Variants in GPATCH2 observed in about 807,000 individuals in gnomAD.
GPATCH2 encodes the protein G patch domain-containing protein 2.
In GPATCH2, 51 loss-of-function variants were observed where a neutral mutation model predicts 58.0. The ratio of observed to expected loss-of-function variants is 0.88; its 90% confidence interval spans 0.70 to 1.11. The LOEUF (loss-of-function observed/expected upper bound fraction) is 1.11, where lower values mean the gene tolerates loss of function less well. GPATCH2 is among the 50% of genes most tolerant of loss of function. The pLI, the probability that GPATCH2 is intolerant of heterozygous loss-of-function variation, is 0.00. For missense variants in GPATCH2, 625 were observed against 652.2 expected, an observed-to-expected ratio of 0.96 and a Z score of 0.45; for synonymous variants, 222 against 218.5, an observed-to-expected ratio of 1.02 and a Z score of -0.14.
intron 6 of GPATCH2, among the ~76,000 whole-genome samples, chr1:217,505,058 A>G (rs770688489): frequency 6.6e-6 from 1 of 152,182 alleles, no homozygotes; most frequent in Non-Finnish European, 1.5e-5. Flanking sequence ...TGGTAGAAAA[A>G]TCTGGGAGTA....
intron 5 of GPATCH2, among the ~76,000 whole-genome samples, chr1:217,526,402 A>G (rs903025832): frequency 6.6e-6 from 1 of 152,244 alleles, no homozygotes; most frequent in Non-Finnish European, 1.5e-5. Flanking sequence ...AGCTAAAAAA[A>G]AAGTATGTAA....
At chr1:217,501,348 G>C (rs542254338) in intron 6 of GPATCH2, among the ~76,000 whole-genome samples, 2 of 152,160 alleles carry the variant, frequency 1.3e-5, no homozygotes, top group South Asian at 4.2e-4. Flanking sequence ...TTCACCTATC[G>C]GAAGACTTCT....
chr1:217,557,982 G>A (rs574843032), intron 5 of GPATCH2, among the ~76,000 whole-genome samples: 1 of 152,120 alleles, frequency 6.6e-6, no homozygotes, highest in Non-Finnish European at 1.5e-5. Context: ...CACATCTTAC[G>A]ATTTTCAAAC....
chr1:217,555,885 C>T (rs1475242416), intron 5 of GPATCH2, among the ~76,000 whole-genome samples: 4 of 152,146 alleles, frequency 2.6e-5, no homozygotes, highest in African/African-American at 4.8e-5. Context: ...TAATACTACA[C>T]AAATTTTACG....
At chr1:217,513,853 C>G (rs896675311) in intron 6 of GPATCH2, among the ~76,000 whole-genome samples, 44 of 149,108 alleles carry the variant, frequency 3.0e-4, no homozygotes, top group Non-Finnish European at 5.3e-4. Context: ...AGATGGGAGT[C>G]TCACCCTGTT....
chr1:217,527,290 G>A (rs1285357618), intron 5 of GPATCH2, among the ~76,000 whole-genome samples: 1 of 152,214 alleles, frequency 6.6e-6, no homozygotes, highest in Non-Finnish European at 1.5e-5. Context: ...GAAAGCACTG[G>A]TTTATAAAGT....
chr1:217,438,976 A>G (rs1337281092), intron 9 of GPATCH2, among the ~76,000 whole-genome samples: 1 of 152,212 alleles, frequency 6.6e-6, no homozygotes, highest in African/African-American at 2.4e-5. Context: ...ACAGAAAATT[A>G]ACAAGGATAT....
At chr1:217,477,067 C>CA (rs895336785) in intron 8 of GPATCH2, among the ~76,000 whole-genome samples, 1 of 152,020 alleles carries the variant, frequency 6.6e-6, no homozygotes, top group African/African-American at 2.4e-5. Flanking sequence ...GGGGACCAGT[C>CA]AGAGTTGTGA....
At chr1:217,584,344 A>AAAAAAAAAAAATATATATATATATAT (rs1463910405) in intron 5 of GPATCH2, among the ~76,000 whole-genome samples, 3 of 101,862 alleles carry the variant, frequency 2.9e-5, no homozygotes, top group South Asian at 3.4e-4. Flanking sequence ...AAAAAAAAAA[A>AAAAAAAAAAAATATATATATATATAT]ATATATATAT....
chr1:217,460,135 T>A (rs1015418541), intron 8 of GPATCH2, among the ~76,000 whole-genome samples: 9 of 152,354 alleles, frequency 5.9e-5, no homozygotes, highest in African/African-American at 2.2e-4. Flanking sequence ...CAGTAATTTT[T>A]ACATAATGTA....
chr1:217,514,764 C>A, intron 6 of GPATCH2, 58 bp downstream of exon 6: 1 of 761,466 alleles, frequency 1.3e-6, no homozygotes, highest in Non-Finnish European at 2.3e-6. Flanking sequence ...CTAATAATTT[C>A]CCAAAAGAGC....
chr1:217,609,926 G>C (rs1275476249), intron 5 of GPATCH2: 2 of 1,174,084 alleles, frequency 1.7e-6, no homozygotes, highest in Non-Finnish European at 2.1e-6. Context: ...ATTTACAGTA[G>C]TTTCTATCCA....
At chr1:217,449,464 CA>C (rs1362059193) in intron 8 of GPATCH2, 127 bp from the exon 9 acceptor site, 3 of 639,154 alleles carry the variant, frequency 4.7e-6, no homozygotes, top group Non-Finnish European at 8.3e-6. Flanking sequence ...GTAAAATCAC[CA>C]ATCTTGTTTA....
At chr1:217,529,330 C>T (rs775055903) in intron 5 of GPATCH2, among the ~76,000 whole-genome samples, 1 of 152,064 alleles carries the variant, frequency 6.6e-6, no homozygotes. Flanking sequence ...GGAGGTGGGG[C>T]CTAGTTGGAG....
intron 5 of GPATCH2, among the ~76,000 whole-genome samples, chr1:217,533,166 C>T (rs528992792): frequency 1.3e-5 from 2 of 151,984 alleles, no homozygotes; most frequent in Non-Finnish European, 2.9e-5. Flanking sequence ...GCCTCAGCCT[C>T]CCACAGTGCT....
intron 6 of GPATCH2, among the ~76,000 whole-genome samples, chr1:217,513,555 G>A (rs1662961959): frequency 6.6e-6 from 1 of 152,026 alleles, no homozygotes; most frequent in Admixed American, 6.6e-5. Context: ...AATCAAATTT[G>A]CAGGAGATAT....
chr1:217,521,408 G>A (rs1663454156), intron 5 of GPATCH2, among the ~76,000 whole-genome samples: 1 of 147,764 alleles, frequency 6.8e-6, no homozygotes, highest in African/African-American at 2.5e-5. Context: ...TTCTGTATTT[G>A]GGGATTTGTC....
At chr1:217,500,952 C>T (rs898017895) in intron 6 of GPATCH2, among the ~76,000 whole-genome samples, 2 of 151,978 alleles carry the variant, frequency 1.3e-5, no homozygotes, top group Non-Finnish European at 1.5e-5. Flanking sequence ...ACCTTTATCC[C>T]GTTTCCCAAA....
Position 217,428,151 on chromosome 1 carries a change from A to G in GPATCH2, c.*2994T>C, listed in dbSNP as rs938401716. On this transcript the variant is annotated 3_prime_UTR_variant, in exon 10 of 10. Transcript: ENST00000366935. ...CATTATCAAGTATAACAAATTTTTTAAACAGTCAAGTTGCTAATGTAATCA... is the reference window on the plus strand; with the variant it reads ...CATTATCAAGTATAACAAATTTTTTGAACAGTCAAGTTGCTAATGTAATCA... The G allele has an allele frequency of 3.3e-5, 5 of 152,194 alleles. No homozygotes were observed. Among genetic ancestry groups the G allele is most frequent in the Non-Finnish European group, 5.9e-5 (4 of 68,016 alleles). 9.4% of individuals were successfully genotyped at this position (152,194 alleles called of 1,614,324 possible).
Sources: gnomAD v4.1 joint callset for allele counts (sites outside exome capture counted in the v4.1 genomes callset) on GRCh38, gnomAD v4.1.1 for gene constraint, MANE v1.5 for transcripts, NCBI Gene and HGNC (gene_info 2026-07-23, HGNC 2026-07-21) for gene names.